ATP8A2: variants seen among roughly 807,000 people sequenced by gnomAD.
The protein encoded by ATP8A2 is ATPase phospholipid transporting 8A2, also known as phospholipid-transporting ATPase IB.
In ATP8A2, 100 loss-of-function variants were observed where a neutral mutation model predicts 165.6. That is an observed-to-expected ratio of 0.60 (90% CI 0.51 to 0.71). ATP8A2 has a LOEUF of 0.71. Ranked by LOEUF, ATP8A2 falls within the 30% of genes least tolerant of loss-of-function variation. The pLI is 0.00. For missense variants in ATP8A2, 1,227 were observed against 1,479.5 expected, an observed-to-expected ratio of 0.83 and a Z score of 2.80; for synonymous variants, 543 against 548.8, an observed-to-expected ratio of 0.99 and a Z score of 0.15.
intron 25 of ATP8A2, among the ~76,000 whole-genome samples, chr13:25,710,394 C>T (rs910187527): frequency 2.0e-5 from 3 of 152,154 alleles, no homozygotes; most frequent in Admixed American, 6.5e-5. Flanking sequence ...TGTTTGTACC[C>T]GTTAGCCAAC....
chr13:25,771,544 G>C (rs1445786652), intron 26 of ATP8A2, among the ~76,000 whole-genome samples: 1 of 152,176 alleles, frequency 6.6e-6, no homozygotes, highest in African/African-American at 2.4e-5. Flanking sequence ...AACTGCATAG[G>C]AATAGGATGT....
chr13:25,954,827 A>C (rs1955480661), intron 33 of ATP8A2, among the ~76,000 whole-genome samples: 1 of 152,230 alleles, frequency 6.6e-6, no homozygotes, highest in Non-Finnish European at 1.5e-5. Context: ...ATGTCCACTC[A>C]AAAACCCCAT....
At chr13:25,717,827 T>A (rs1427154080) in intron 25 of ATP8A2, among the ~76,000 whole-genome samples, 4 of 152,216 alleles carry the variant, frequency 2.6e-5, no homozygotes, top group Admixed American at 6.5e-5. Flanking sequence ...TGTGCTTGGT[T>A]GTGCAGTTCC....
chr13:25,559,838 T>C, intron 15 of ATP8A2, 73 bp downstream of exon 15: 1 of 1,198,068 alleles, frequency 8.3e-7, no homozygotes, highest in South Asian at 1.3e-5. Context: ...ATTATTCATT[T>C]ACATTTTTAG....
At chr13:25,572,136 TCTC>T (rs2039484770) in intron 18 of ATP8A2, among the ~76,000 whole-genome samples, 1 of 152,064 alleles carries the variant, frequency 6.6e-6, no homozygotes, top group African/African-American at 2.4e-5. Context: ...TCTCTCTCTC[TCTC>T]TCTCTCTCTT....
At chr13:25,632,913 G>A (rs912249991) in intron 24 of ATP8A2, among the ~76,000 whole-genome samples, 2 of 152,180 alleles carry the variant, frequency 1.3e-5, no homozygotes, top group Non-Finnish European at 2.9e-5. Flanking sequence ...GACTCTAGAA[G>A]TTACTCTCAG....
intron 27 of ATP8A2, among the ~76,000 whole-genome samples, chr13:25,803,768 G>A (rs189301829): frequency 6.6e-6 from 1 of 152,170 alleles, no homozygotes; most frequent in African/African-American, 2.4e-5. Flanking sequence ...TTGTTAATAC[G>A]TTGGAATATT....
At chr13:25,545,697 C>T (rs866988404) in intron 10 of ATP8A2, among the ~76,000 whole-genome samples, 2 of 152,160 alleles carry the variant, frequency 1.3e-5, no homozygotes, top group East Asian at 1.9e-4. Context: ...TGTGGTGGCG[C>T]GATCTTGGCT....
At chr13:25,716,080 G>C (rs2043249039) in intron 25 of ATP8A2, among the ~76,000 whole-genome samples, 1 of 152,150 alleles carries the variant, frequency 6.6e-6, no homozygotes, top group Non-Finnish European at 1.5e-5. Context: ...TAAAGATGTT[G>C]AACAACTTTT....
intron 1 of ATP8A2, among the ~76,000 whole-genome samples, chr13:25,419,941 TGAAAG>T (rs1365303648): frequency 1.8e-4 from 28 of 152,114 alleles, no homozygotes; most frequent in Non-Finnish European, 1.5e-5. Context: ...TGCTGACAAT[TGAAAG>T]GAACAGAGAA....
chr13:25,827,236 C>T (rs998361670), intron 27 of ATP8A2, among the ~76,000 whole-genome samples: 2 of 152,088 alleles, frequency 1.3e-5, no homozygotes, highest in African/African-American at 2.4e-5. Flanking sequence ...CAGACCCCCC[C>T]GAGTAGCTGG....
chr13:25,877,381 C>T (rs1188420620), intron 33 of ATP8A2, among the ~76,000 whole-genome samples: 2 of 152,212 alleles, frequency 1.3e-5, no homozygotes, highest in Admixed American at 6.5e-5. Context: ...GTGAAATGAG[C>T]TTCCAACACT....
chr13:25,987,230 A>C (rs1201659153), intron 35 of ATP8A2, among the ~76,000 whole-genome samples: 3 of 152,144 alleles, frequency 2.0e-5, no homozygotes, highest in Non-Finnish European at 4.4e-5. Flanking sequence ...AAATCTTTTC[A>C]CTGACTGTGA....
At chr13:25,825,781 G>T (rs780856292) in intron 27 of ATP8A2, among the ~76,000 whole-genome samples, 1 of 152,138 alleles carries the variant, frequency 6.6e-6, no homozygotes, top group African/African-American at 2.4e-5. Flanking sequence ...TTGAATAAAT[G>T]TTGTAGGAAT....
intron 24 of ATP8A2, among the ~76,000 whole-genome samples, chr13:25,651,059 G>A (rs1178735486): frequency 6.6e-6 from 1 of 152,098 alleles, no homozygotes; most frequent in Non-Finnish European, 1.5e-5. Flanking sequence ...ATGTAAAGCT[G>A]AAATTATTTC....
Position 25,386,874 on chromosome 13 carries a change from G to A in ATP8A2, c.76+14586G>A, listed in dbSNP as rs530272482. The stretch of plus-strand genomic sequence containing the variant: ...TAGCCGGGCGTGGTGGCGGGCACCT[G>A]TAGTCCCAGCTACTTGGGAGGCTGA... On this transcript the variant is annotated intron_variant, in intron 1 of 36. Coordinates refer to ENST00000381655, the MANE Select transcript of ATP8A2 (RefSeq NM_016529.6). Among the ~76,000 whole-genome samples the A allele has an allele frequency of 1.1e-3, 172 of 150,224 alleles. 1 individual carries two copies. Among genetic ancestry groups the A allele is most frequent in the Admixed American group, 3.4e-3 (51 of 15,034 alleles).
intron 33 of ATP8A2, among the ~76,000 whole-genome samples, chr13:25,902,580 A>C (rs546411078): frequency 2.0e-5 from 3 of 152,000 alleles, no homozygotes; most frequent in African/African-American, 7.2e-5. Context: ...TAAAAAAAAA[A>C]AAACAAAAAA....
chr13:25,695,693 G>A (rs994596952), intron 24 of ATP8A2, among the ~76,000 whole-genome samples: 10 of 152,176 alleles, frequency 6.6e-5, no homozygotes, highest in African/African-American at 2.4e-4. Context: ...GTTTATTCAA[G>A]TTTGATCATG....
chr13:25,509,523 G>A (rs757088615), intron 2 of ATP8A2, among the ~76,000 whole-genome samples: 3 of 151,942 alleles, frequency 2.0e-5, no homozygotes, highest in Non-Finnish European at 4.4e-5. Context: ...AATAAAAATA[G>A]TATGTTTTCT....
Sources: allele counts gnomAD v4.1 joint callset (sites outside exome capture counted in the v4.1 genomes callset), GRCh38; gene constraint gnomAD v4.1.1; transcripts MANE v1.5; gene names NCBI Gene and HGNC (gene_info 2026-07-23, HGNC 2026-07-21).